Variants in ACTN3 observed in about 807,000 individuals in gnomAD.
ACTN3 encodes the protein actinin alpha 3, also known as alpha-actinin-3.
In ACTN3, 91 loss-of-function variants were observed where a neutral mutation model predicts 119.6. The observed-to-expected ratio is 0.76, with a 90% CI of 0.64 to 0.91. ACTN3 has a LOEUF of 0.91. Ranked by LOEUF, ACTN3 falls within the 40% of genes least tolerant of loss-of-function variation. The pLI, the probability that ACTN3 is intolerant of heterozygous loss-of-function variation, is 0.00. For synonymous variants in ACTN3, 456 were observed against 478.8 expected, an observed-to-expected ratio of 0.95 and a Z score of 0.62; for missense variants, 1,221 against 1,215.1, an observed-to-expected ratio of 1.00 and a Z score of -0.07.
intron 11 of ACTN3, among the ~76,000 whole-genome samples, chr11:66,558,704 C>A (rs1028804100): frequency 6.6e-6 from 1 of 152,154 alleles, no homozygotes; most frequent in Non-Finnish European, 1.5e-5. Context: ...CCTCACCCCC[C>A]AGCCCTGCTC....
upstream of ACTN3, chr11:66,546,711 C>T (rs1029194384): frequency 6.5e-7 from 1 of 1,535,222 alleles, no homozygotes; most frequent in African/African-American, 1.4e-5. Flanking sequence ...AATGCAAACC[C>T]AGGATCTCCG....
In ACTN3 at chr11:66,559,289, G is replaced by A. The variant is rs1857679980; in HGVS notation, c.1330G>A (p.Val444Met). 6.3e-7 allele frequency: 1 copy of A among 1,575,164 alleles called. No homozygotes were observed. Among genetic ancestry groups the A allele is most frequent in the South Asian group, 1.1e-5 (1 of 87,068 alleles). ...CTACGATTCGGCTTTGCTACAGGAG[G>A]TGCGGGCGTTGCTGCGGCGCCACGA... ...RDYDSALLQEVRALLRRHEAF... is the reference protein window; with the variant it reads ...RDYDSALLQEMRALLRRHEAF... Residue 444 changes from valine (V) to methionine (M), a missense_variant, in exon 12 of 21, where the codon GTG (valine) becomes ATG (methionine). By Grantham distance (21) the Val-to-Met change is conservative (BLOSUM62 1). Around this residue, in one of 3 missense-constraint regions of ACTN3, gnomAD observed 934 missense variants for 899.9 expected, o/e 1.04. Coordinates refer to ENST00000513398, the MANE Select transcript of ACTN3 (RefSeq NM_001104.4).
At position 66,560,090 on chromosome 11, in the gene ACTN3, C is replaced by T. The variant is rs755229101; in HGVS notation, c.1536+14C>T. ...GATGCGCTAGAGGTGGGGCTGGGGG[C>T]CGGGGAGCTGGGGGGTGGGTAGGTG... is the stretch of plus-strand genomic sequence containing the variant. On this transcript the variant is annotated intron_variant, in intron 13 of 20. Transcript: ENST00000513398. 6 of 1,271,718 alleles carry T rather than the reference C, an allele frequency of 4.7e-6. No individual in the cohort carries two copies. The highest frequency in any genetic ancestry group is 4.4e-5 in the Admixed American group (2 of 45,724). 78.8% of individuals were successfully genotyped at this position (1,271,718 alleles called of 1,614,324 possible).
Position 66,562,940 on chromosome 11 carries a change from T to C in ACTN3, c.2533T>C (p.Leu845=), listed in dbSNP as rs377142436. ...TEQVVASFKI[L]AGDKNYITPE... is the part of the protein sequence containing the mutation. ...GCAAGTTGTAGCTTCCTTCAAGATC[T>C]TGGCAGGAGACAAGGTGAGTCCCAG... Residue 845 remains leucine (L), a synonymous_variant, in exon 20 of 21, where the codon TTG becomes CTG. Transcript: ENST00000513398. The C allele has an allele frequency of 2.0e-5, 33 of 1,613,266 alleles. 1 individual carries two copies. In the African/African-American group the frequency reaches 2.1e-4, roughly 10 times the overall value.
chr11:66,557,503 T>C (rs1857616170), intron 9 of ACTN3, among the ~76,000 whole-genome samples, 196 bp from the exon 10 acceptor site: 1 of 152,240 alleles, frequency 6.6e-6, no homozygotes, highest in Non-Finnish European at 1.5e-5. Context: ...TGCCAACCTA[T>C]ACTAGCCCCT....
rs374770413 is a variant in ACTN3 at position 66,562,312 on chromosome 11, G to T, written c.2378G>T (p.Gly793Val). ...DDFRACLISM[G>V]YDLGEVEFAR... Reference sequence around the variant, plus strand: ...TTCCGAGCTTGCCTCATCTCCATGGGCTATGACCTGGTGAGAGCTCCCCAG... The same window carrying T: ...TTCCGAGCTTGCCTCATCTCCATGGTCTATGACCTGGTGAGAGCTCCCCAG... Residue 793 changes from glycine (G) to valine (V), a missense_variant, in exon 19 of 21, where the codon GGC becomes GTC. Physicochemically the swap from Gly to Val is moderately radical, Grantham distance 109. Around this residue, in one of 3 missense-constraint regions of ACTN3, gnomAD observed 934 missense variants for 899.9 expected, o/e 1.04. Transcript: ENST00000513398. 1.9e-6 allele frequency: 3 copies of T among 1,612,784 alleles called. No individual in the cohort carries two copies. The highest frequency in any genetic ancestry group is 2.5e-6 in the Non-Finnish European group (3 of 1,179,854).
intron 18 of ACTN3, 25 bp downstream of exon 18, chr11:66,562,193 G>A: frequency 6.2e-7 from 1 of 1,613,908 alleles, no homozygotes; most frequent in Non-Finnish European, 8.5e-7. Context: ...GGCCCTGTGG[G>A]GTAAGACACT....
chr11:66,559,628 C>T (rs953199875), intron 12 of ACTN3, among the ~76,000 whole-genome samples: 2 of 151,710 alleles, frequency 1.3e-5, no homozygotes, highest in Admixed American at 6.6e-5. Context: ...CGTGACCTGC[C>T]CTCTAACCTG....
chr11:66,558,120 C>T lies in ACTN3; in HGVS notation c.1222C>T (p.His408Tyr). Residue 408 changes from histidine to tyrosine, a missense_variant, in exon 11 of 21, where the codon CAC (histidine) becomes TAC (tyrosine). Physicochemically the swap from His to Tyr is moderately conservative, Grantham distance 83. Around this residue, in one of 3 missense-constraint regions of ACTN3, gnomAD observed 934 missense variants for 899.9 expected, o/e 1.04. Transcript: ENST00000513398. ...GATCCGGCGCCTGCAGCGACTCCAGCACCTGGCTGAGAAGTTCCGGCAGAA... is the reference window on the plus strand; with the variant it reads ...GATCCGGCGCCTGCAGCGACTCCAGTACCTGGCTGAGAAGTTCCGGCAGAA... ...SEIRRLQRLQHLAEKFRQKAS... is the reference protein window; with the variant it reads ...SEIRRLQRLQYLAEKFRQKAS... 2 of 1,613,932 alleles carry T rather than the reference C, an allele frequency of 1.2e-6. No individual in the cohort carries two copies. The highest frequency in any genetic ancestry group is 4.5e-5 in the East Asian group (2 of 44,890).
chr11:66,555,074 G>C, intron 5 of ACTN3, 56 bp from the exon 6 acceptor site: 2 of 1,538,412 alleles, frequency 1.3e-6, no homozygotes, highest in Non-Finnish European at 1.8e-6. Flanking sequence ...TGGGCCGAGG[G>C]GAGAACGGGG....
intron 1 of ACTN3, among the ~76,000 whole-genome samples, chr11:66,547,518 C>A (rs1307632832): frequency 5.9e-5 from 9 of 152,024 alleles, no homozygotes; most frequent in Non-Finnish European, 1.3e-4. Flanking sequence ...CCTCTCAGAC[C>A]CCACCCCACC....
Position 66,560,211 on chromosome 11 carries a change from T to C in ACTN3, c.1577T>C (p.Leu526Pro). The C allele has an allele frequency of 6.2e-7, 1 of 1,611,350 alleles. No homozygotes were observed. Among genetic ancestry groups the C allele is most frequent in the Non-Finnish European group, 8.5e-7 (1 of 1,178,854 alleles). The change falls in exon 14 of 21, where the codon CTG (leucine) becomes CCG (proline). Residue 526 changes from leucine (L) to proline (P), a missense_variant. This residue lies in a region of ACTN3 where 934 missense variants were observed against 899.9 expected (regional missense o/e 1.04). Transcript: ENST00000513398. Reference sequence around the variant, plus strand: ...CTGGAGACCATTGACCGGCTGCAACTGGAGTTTGCCCGGCGGGCCGCGCCC... The same window carrying C: ...CTGGAGACCATTGACCGGCTGCAACCGGAGTTTGCCCGGCGGGCCGCGCCC... ...KLLETIDRLQ[L>P]EFARRAAPFN...
intron 1 of ACTN3, among the ~76,000 whole-genome samples, chr11:66,549,912 C>T (rs1275919781): frequency 6.6e-6 from 1 of 152,152 alleles, no homozygotes; most frequent in Non-Finnish European, 1.5e-5. Context: ...TACTTACATA[C>T]CTCCAGTGAT....
Position 66,559,364 on chromosome 11 carries a change from G to A in ACTN3, c.1405G>A (p.Ala469Thr), listed in dbSNP as rs1166102142. The A allele has an allele frequency of 9.6e-6, 15 of 1,554,678 alleles. No individual in the cohort carries two copies. The highest frequency in any genetic ancestry group is 1.2e-5 in the Non-Finnish European group (14 of 1,155,960). Residue 469 changes from alanine to threonine, a missense_variant, in exon 12 of 21, where the codon GCC becomes ACC. Around this residue, in one of 3 missense-constraint regions of ACTN3, gnomAD observed 934 missense variants for 899.9 expected, o/e 1.04. Transcript: ENST00000513398. ...GCACCAGGACCGCGTGGAGCACATT[G>A]CCGCGCTGGCCCAGGAGCTCAAGTA... Reference protein sequence around the residue: ...AAHQDRVEHIAALAQELNELD... With the variant: ...AAHQDRVEHITALAQELNELD...
At chr11:66,548,726 C>T (rs1360224536) in intron 1 of ACTN3, among the ~76,000 whole-genome samples, 1 of 152,170 alleles carries the variant, frequency 6.6e-6, no homozygotes, top group Non-Finnish European at 1.5e-5. Flanking sequence ...AGTCTTGGAG[C>T]AGCACGCTGC....
At position 66,561,160 on chromosome 11, in the gene ACTN3, G is replaced by A. The variant is rs1310780671; in HGVS notation, c.1861-67G>A. 3.1e-5 allele frequency: 45 copies of A among 1,457,252 alleles called. No individual in the cohort carries two copies. In the South Asian group the frequency reaches 5.5e-4, roughly 18 times the overall value. The allele number at this position is 1,457,252 out of a possible 1,614,324, so 90.3% of individuals were successfully genotyped here. A position where few individuals can be genotyped will look rare whatever the true frequency, so the allele number is the denominator to read the frequency against. ...AGGGGCTGAGGTTTGAGGGGCTGGA[G>A]CCCATCTCCCCTAAAGCCATTTCCC... is the stretch of plus-strand genomic sequence containing the variant. On this transcript the variant is annotated intron_variant, in intron 15 of 20. Transcript: ENST00000513398.
intron 17 of ACTN3, 88 bp from the exon 18 acceptor site, chr11:66,561,934 A>G: frequency 6.7e-7 from 1 of 1,493,230 alleles, no homozygotes; most frequent in East Asian, 2.5e-5. Flanking sequence ...GGACTTGCCC[A>G]GGGTCATTCA....
upstream of ACTN3, chr11:66,546,745 C>G: frequency 6.5e-7 from 1 of 1,535,750 alleles, no homozygotes. Context: ...CCCGGCGCCC[C>G]CGAGTCCCGC....
At chr11:66,550,359 C>T (rs1857445461) in intron 1 of ACTN3, among the ~76,000 whole-genome samples, 1 of 152,168 alleles carries the variant, frequency 6.6e-6, no homozygotes, top group Admixed American at 6.5e-5. Flanking sequence ...GTCGTGTCAC[C>T]CCTATCCCCA....
Sources: allele counts gnomAD v4.1 joint callset (sites outside exome capture counted in the v4.1 genomes callset), GRCh38; gene constraint gnomAD v4.1.1; regional missense constraint gnomAD v4.1.1; transcripts MANE v1.5; gene names NCBI Gene and HGNC (gene_info 2026-07-23, HGNC 2026-07-21).